Variants in GRAP2 observed in about 807,000 individuals in gnomAD.
GRAP2 encodes GRB2 related adaptor protein 2.
Under a neutral mutation model 43.5 loss-of-function variants are expected in GRAP2, and 31 were observed. The observed-to-expected ratio is 0.71, with a 90% CI of 0.54 to 0.96. GRAP2 has a LOEUF of 0.96. GRAP2 is among the 40% of genes least tolerant of loss of function. The probability of loss-of-function intolerance (pLI) is 0.00; values close to 1 mark genes in which losing one functional copy is unlikely to be tolerated. For missense variants in GRAP2, 371 were observed against 424.4 expected (o/e 0.87, Z 1.11); for synonymous variants, 156 against 164.8 (o/e 0.95, Z 0.41).
intron 1 of GRAP2, among the ~76,000 whole-genome samples, chr22:39,925,000 A>T (rs2066685171): frequency 6.6e-6 from 1 of 152,206 alleles, no homozygotes; most frequent in East Asian, 1.9e-4. Flanking sequence ...AGCTAGAGTG[A>T]GTAAAGGCAG....
At chr22:39,964,401 G>T in intron 4 of GRAP2, 1 of 787,124 alleles carries the variant, frequency 1.3e-6, no homozygotes, top group South Asian at 1.4e-5. Flanking sequence ...GTGGCAAGAA[G>T]AAGGCACTGA....
chr22:39,920,090 C>T (rs2066636059), intron 1 of GRAP2, among the ~76,000 whole-genome samples: 1 of 152,172 alleles, frequency 6.6e-6, no homozygotes. Context: ...GACAAATTAG[C>T]AGTTCTTCCC....
chr22:39,971,793 G>A lies in GRAP2; in HGVS notation c.*709G>A, dbSNP rs184812078. 2 of 152,292 alleles carry A rather than the reference G, an allele frequency of 1.3e-5. No individual in the cohort carries two copies. The highest frequency in any genetic ancestry group is 1.9e-4 in the East Asian group (1 of 5,184). The allele number at this position is 152,292 out of a possible 1,614,324, so 9.4% of individuals were successfully genotyped here. The stretch of plus-strand genomic sequence containing the variant: ...GTGAGGAGCGAAGTACTGGGAAATC[G>A]AGGGATTTTCCACAATCCCCAAGCA... On this transcript the variant is annotated 3_prime_UTR_variant, in exon 8 of 8. Transcript: ENST00000344138.
intron 1 of GRAP2, among the ~76,000 whole-genome samples, chr22:39,920,281 T>C (rs1356192260): frequency 2.6e-5 from 4 of 152,206 alleles, no homozygotes; most frequent in African/African-American, 9.6e-5. Context: ...CCACATCTTA[T>C]CACAACCCTG....
chr22:39,944,100 C>T (rs1210765690), intron 1 of GRAP2, among the ~76,000 whole-genome samples: 1 of 152,102 alleles, frequency 6.6e-6, no homozygotes, highest in Non-Finnish European at 1.5e-5. Flanking sequence ...TTGCACTCCG[C>T]CCCCCACAAC....
At chr22:39,960,268 A>G (rs1422170238) in intron 4 of GRAP2, 94 bp downstream of exon 4, 9 of 1,228,936 alleles carry the variant, frequency 7.3e-6, no homozygotes, top group African/African-American at 1.5e-5. Flanking sequence ...ATATGACCCA[A>G]TGGTCAGAAG....
At chr22:39,899,579 T>A (rs893923930), upstream of GRAP2, among the ~76,000 whole-genome samples, 1 of 152,206 alleles carries the variant, frequency 6.6e-6, no homozygotes, top group Admixed American at 6.5e-5. Flanking sequence ...GATGTTGTTA[T>A]TTTTAAATTT....
intron 1 of GRAP2, among the ~76,000 whole-genome samples, chr22:39,905,152 C>T (rs2066515057): frequency 6.6e-6 from 1 of 152,118 alleles, no homozygotes; most frequent in Non-Finnish European, 1.5e-5. Context: ...CAGGGGGTAT[C>T]TCAAAGTGTA....
At chr22:39,907,293 G>A (rs1486950850) in intron 1 of GRAP2, among the ~76,000 whole-genome samples, 2 of 151,826 alleles carry the variant, frequency 1.3e-5, no homozygotes, top group Non-Finnish European at 2.9e-5. Context: ...CCCCAATGGG[G>A]AAAAAAAACC....
chr22:39,968,339 G>GC (rs2067197580), intron 6 of GRAP2, 67 bp downstream of exon 6: 2 of 1,563,474 alleles, frequency 1.3e-6, no homozygotes, highest in Non-Finnish European at 1.7e-6. Context: ...TCCAGGCCTG[G>GC]CCCAGCCTCT....
At chr22:39,915,751 C>G (rs2066597987) in intron 1 of GRAP2, among the ~76,000 whole-genome samples, 1 of 152,112 alleles carries the variant, frequency 6.6e-6, no homozygotes, top group Non-Finnish European at 1.5e-5. Flanking sequence ...GTAACATGCT[C>G]TTCAAAAGTA....
chr22:39,926,911 G>T, intron 1 of GRAP2: 1 of 932,750 alleles, frequency 1.1e-6, no homozygotes, highest in Non-Finnish European at 1.3e-6. Context: ...CAGAAAGATT[G>T]AGGCAGAAGC....
chr22:39,924,428 C>G (rs1021094293), intron 1 of GRAP2, among the ~76,000 whole-genome samples: 1 of 152,182 alleles, frequency 6.6e-6, no homozygotes, highest in Non-Finnish European at 1.5e-5. Context: ...TGGTCGGGCG[C>G]GGTGGCTCAT....
At chr22:39,965,874 C>A in intron 4 of GRAP2, 116 bp from the exon 5 acceptor site, 1 of 878,578 alleles carries the variant, frequency 1.1e-6, no homozygotes, top group Non-Finnish European at 1.9e-6. Flanking sequence ...ATGAGTGAGT[C>A]ATCCATATCT....
At chr22:39,935,144 A>G (rs2066793439) in intron 1 of GRAP2, among the ~76,000 whole-genome samples, 1 of 152,196 alleles carries the variant, frequency 6.6e-6, no homozygotes, top group South Asian at 2.1e-4. Flanking sequence ...TCAGCTTAGA[A>G]ATGGGAATTT....
chr22:39,949,102 A>C (rs1375085627), intron 2 of GRAP2, among the ~76,000 whole-genome samples: 1 of 152,034 alleles, frequency 6.6e-6, no homozygotes, highest in African/African-American at 2.4e-5. Context: ...ATGTCCCCAC[A>C]TGAACTCCAG....
intron 4 of GRAP2, chr22:39,964,494 C>T (rs1376218824): frequency 4.8e-6 from 5 of 1,031,524 alleles, no homozygotes; most frequent in East Asian, 2.4e-5. Flanking sequence ...AGAAGAAACT[C>T]GAGGTGCTAA....
chr22:39,920,881 C>T (rs1025546473), intron 1 of GRAP2, among the ~76,000 whole-genome samples: 1 of 151,074 alleles, frequency 6.6e-6, no homozygotes, highest in Non-Finnish European at 1.5e-5. Context: ...CAGGACAAGA[C>T]CTGATAGGCC....
chr22:39,959,042 C>T (rs953445180), intron 3 of GRAP2, among the ~76,000 whole-genome samples: 5 of 152,202 alleles, frequency 3.3e-5, no homozygotes, highest in Admixed American at 3.3e-4. Flanking sequence ...GCCTGACGGG[C>T]TTTTATCTTA....
Sources: allele counts gnomAD v4.1 joint callset (sites outside exome capture counted in the v4.1 genomes callset), GRCh38; gene constraint gnomAD v4.1.1; transcripts MANE v1.5; gene names NCBI Gene and HGNC (gene_info 2026-07-23, HGNC 2026-07-21).